PRRC2B: variants seen among roughly 807,000 people sequenced by gnomAD.
PRRC2B encodes the protein protein PRRC2B.
Under a neutral mutation model 242.3 loss-of-function variants are expected in PRRC2B, and 68 were observed. The observed-to-expected ratio is 0.28, with a 90% CI of 0.23 to 0.34. The LOEUF is 0.34. PRRC2B is among the 10% of genes least tolerant of loss of function. The probability of loss-of-function intolerance (pLI) is 1.00; values close to 1 mark genes in which losing one functional copy is unlikely to be tolerated. For missense variants in PRRC2B, 2,835 were observed against 2,954.8 expected, an observed-to-expected ratio of 0.96 and a Z score of 0.94; for synonymous variants, 1,228 against 1,173.6, an observed-to-expected ratio of 1.05 and a Z score of -0.95.
At chr9:131,470,374 AG>A (rs1943508102) in intron 13 of PRRC2B, among the ~76,000 whole-genome samples, 1 of 152,146 alleles carries the variant, frequency 6.6e-6, no homozygotes, top group Non-Finnish European at 1.5e-5. Flanking sequence ...TGGATTGAAG[AG>A]GCCTGGAGGG....
At chr9:131,477,099 G>A (rs7863121) in intron 16 of PRRC2B, among the ~76,000 whole-genome samples, 111,208 of 152,096 alleles carry the variant, frequency 0.73, 41,620 homozygotes, top group East Asian at 0.93. Context: ...ACAGCCAGAG[G>A]CATTCGGGTG....
chr9:131,475,772 G>A lies in PRRC2B; in HGVS notation c.3643G>A (p.Gly1215Arg). ...TCCCCGGCTGAGCAATTGCGGGTAT[G>A]GACGGAGAACCTTCGTCTCCAAAGA... is the stretch of plus-strand genomic sequence containing the variant. ...LPPRLSNCGY[G>R]RRTFVSKESP... The change falls in exon 16 of 32, where the codon GGA becomes AGA. Residue 1215 changes from glycine (G) to arginine (R), a missense_variant. Physicochemically the swap from Gly to Arg is moderately radical, Grantham distance 125. Around this residue, in one of 7 missense-constraint regions of PRRC2B, gnomAD observed 1,536 missense variants for 1,483.1 expected, o/e 1.04. Transcript: ENST00000683519. 1 of 1,613,614 alleles carries A rather than the reference G, an allele frequency of 6.2e-7. No homozygotes were observed. Among genetic ancestry groups the A allele is most frequent in the South Asian group, 1.1e-5 (1 of 91,038 alleles).
At position 131,476,278 on chromosome 9, in the gene PRRC2B, C is replaced by T. The variant is rs1230369963; in HGVS notation, c.4149C>T (p.Phe1383=). The change falls in exon 16 of 32, where the codon TTC becomes TTT. Residue 1383 remains phenylalanine (F), a synonymous_variant. Coordinates refer to ENST00000683519, the MANE Select transcript of PRRC2B (RefSeq NM_013318.4). ...AGACGGCCTCCGAAAGCAGCGACTT[C>T]AGCGAGCGGCGGGAGCGGCGGGAAG... ...EWETASESSD[F]SERRERREGP... 1 of 1,608,604 alleles carries T rather than the reference C, an allele frequency of 6.2e-7. No homozygotes were observed. The highest frequency in any genetic ancestry group is 1.3e-5 in the African/African-American group (1 of 74,948).
intron 9 of PRRC2B, chr9:131,448,177 C>G (rs1838866046): frequency 6.1e-6 from 1 of 163,958 alleles, no homozygotes. Flanking sequence ...AATTTTTTTC[C>G]AAGAGACAGG....
chr9:131,400,700 C>T (rs978657869), intron 1 of PRRC2B, among the ~76,000 whole-genome samples: 1 of 152,150 alleles, frequency 6.6e-6, no homozygotes, highest in South Asian at 2.1e-4. Flanking sequence ...GCATGAGCCA[C>T]GGCACCCAGC....
At chr9:131,474,341 G>A in intron 15 of PRRC2B, 113 bp from the exon 16 acceptor site, 1 of 893,820 alleles carries the variant, frequency 1.1e-6, no homozygotes, top group South Asian at 2.0e-5. Context: ...TTTTTAAAAA[G>A]TGTTTTAGTT....
At chr9:131,491,802 C>T (rs1031394413) in intron 29 of PRRC2B, among the ~76,000 whole-genome samples, 1 of 152,214 alleles carries the variant, frequency 6.6e-6, no homozygotes, top group Non-Finnish European at 1.5e-5. Context: ...TCCCCAGCTC[C>T]CCAGGAGGCC....
At chr9:131,417,651 C>T (rs942920496) in intron 1 of PRRC2B, among the ~76,000 whole-genome samples, 7 of 152,112 alleles carry the variant, frequency 4.6e-5, no homozygotes, top group East Asian at 1.9e-4. Context: ...TTGGGTTCTT[C>T]GCTGTTTTCA....
In PRRC2B at chr9:131,414,456, A is replaced by G. The variant is rs118148599; in HGVS notation, c.-51-15638A>G. On this transcript the variant is annotated intron_variant, in intron 1 of 31. Transcript: ENST00000683519. ...CTCCAAGAAAATGCAATCAATACTAATTTGTAATTTCCTGGAAATGGTAGA... is the reference window on the plus strand; with the variant it reads ...CTCCAAGAAAATGCAATCAATACTAGTTTGTAATTTCCTGGAAATGGTAGA... Among the ~76,000 whole-genome samples, 252 of 102,534 alleles carry G rather than the reference A, an allele frequency of 2.5e-3. 6 individuals carry two copies. The East Asian group carries it at 0.073, about 30-fold the overall frequency. The allele number at this position is 102,534 out of a possible 152,430, so 67.3% of individuals were successfully genotyped here. A position where few individuals can be genotyped will look rare whatever the true frequency, so the allele number is the denominator to read the frequency against.
At chr9:131,476,652 C>T (rs1009897165) in intron 16 of PRRC2B, 117 bp downstream of exon 16, 27 of 895,604 alleles carry the variant, frequency 3.0e-5, no homozygotes, top group Non-Finnish European at 3.6e-5. Context: ...TGCCCCCAGG[C>T]CGTCTGTGCG....
At position 131,436,632 on chromosome 9, in the gene PRRC2B, G is replaced by T. The variant is rs781767865; in HGVS notation, c.306G>T (p.Thr102=). 1.9e-6 allele frequency: 3 copies of T among 1,613,608 alleles called. No individual in the cohort carries two copies. Among genetic ancestry groups the T allele is most frequent in the Non-Finnish European group, 2.5e-6 (3 of 1,179,756 alleles). ...DQQDPKSSSA[T]ASQPPESLPQ... is the part of the protein sequence containing the mutation. Reference sequence around the variant, plus strand: ...TGCCTTTGTCTAGTTCCAGTGCGACGGCCTCTCAGCCGCCGGAGTCGCTGC... The same window carrying T: ...TGCCTTTGTCTAGTTCCAGTGCGACTGCCTCTCAGCCGCCGGAGTCGCTGC... The change falls in exon 4 of 32, where the codon ACG becomes ACT. Residue 102 remains threonine (T), a synonymous_variant. Coordinates refer to ENST00000683519, the MANE Select transcript of PRRC2B (RefSeq NM_013318.4).
At chr9:131,417,964 A>G (rs1000849467) in intron 1 of PRRC2B, among the ~76,000 whole-genome samples, 1 of 152,264 alleles carries the variant, frequency 6.6e-6, no homozygotes, top group African/African-American at 2.4e-5. Context: ...GGTGAGGCCC[A>G]GAGGTAAGGC....
In PRRC2B at chr9:131,464,907, G is replaced by T; in HGVS notation, c.1549G>T (p.Ala517Ser). ...GCGCCGGGAAGAAGAGGAGCGCCGA[G>T]CCCGGGAGGAGAGGCTGGCCGCCTG... ...RKRREEEERR[A>S]REERLAACAA... is the part of the protein sequence containing the mutation. The change falls in exon 12 of 32, where the codon GCC becomes TCC. Residue 517 changes from alanine to serine, a missense_variant. By Grantham distance (99) the Ala-to-Ser change is moderately conservative. Coordinates refer to ENST00000683519, the MANE Select transcript of PRRC2B (RefSeq NM_013318.4). 2 of 1,613,622 alleles carry T rather than the reference G, an allele frequency of 1.2e-6. No homozygotes were observed. The highest frequency in any genetic ancestry group is 1.1e-5 in the South Asian group (1 of 91,056).
Position 131,494,228 on chromosome 9 carries a change from T to G in PRRC2B, c.6474-177T>G, listed in dbSNP as rs1944270559. Among the ~76,000 whole-genome samples, 1 of 152,220 alleles carries G rather than the reference T, an allele frequency of 6.6e-6. No individual in the cohort carries two copies. Among genetic ancestry groups the G allele is most frequent in the Admixed American group, 6.5e-5 (1 of 15,282 alleles). On this transcript the variant is annotated intron_variant, in intron 30 of 31. Coordinates refer to ENST00000683519, the MANE Select transcript of PRRC2B (RefSeq NM_013318.4). The surrounding 1 kb of genome is among the most constrained non-coding windows in gnomAD (Gnocchi z 4.3). ...CAGCCACCCCCTCACCCTTCTGCGTTCTGGGCTGTCTTAGGTCTGTGGTTG... is the reference window on the plus strand; with the variant it reads ...CAGCCACCCCCTCACCCTTCTGCGTGCTGGGCTGTCTTAGGTCTGTGGTTG...
chr9:131,380,963 C>A (rs545603819), intron 1 of PRRC2B, among the ~76,000 whole-genome samples: 1 of 151,744 alleles, frequency 6.6e-6, no homozygotes, highest in East Asian at 1.9e-4. Context: ...ATATTTTCTC[C>A]CACTCTGTGG....
At chr9:131,374,911 C>T (rs79920481) in intron 1 of PRRC2B, among the ~76,000 whole-genome samples, 4,255 of 152,074 alleles carry the variant, frequency 0.028, 168 homozygotes, top group African/African-American at 0.095. Context: ...TTGCACCCTC[C>T]CCAGGGTACC....
chr9:131,391,645 C>T (rs531978818), upstream of PRRC2B, among the ~76,000 whole-genome samples: 3 of 152,264 alleles, frequency 2.0e-5, no homozygotes, highest in South Asian at 4.1e-4. Context: ...ATGGGTATGT[C>T]GTGAGGATTA....
chr9:131,420,498 T>TCGTTCGTTCGTTC (rs1564278664), intron 1 of PRRC2B, among the ~76,000 whole-genome samples: 1 of 90,744 alleles, frequency 1.1e-5, no homozygotes, highest in African/African-American at 4.6e-5. Context: ...TCTTTCTTTT[T>TCGTTCGTTCGTTC]TTTTTTTTTT....
At chr9:131,495,564 G>A (rs537422330) in intron 31 of PRRC2B, among the ~76,000 whole-genome samples, 176 bp from the exon 32 acceptor site, 20 of 152,094 alleles carry the variant, frequency 1.3e-4, no homozygotes, top group Middle Eastern at 3.4e-3. Flanking sequence ...GACGGCACTC[G>A]CGCCACTTTC....
Sources: gnomAD v4.1 joint callset for allele counts (sites outside exome capture counted in the v4.1 genomes callset) on GRCh38, gnomAD v4.1.1 for gene constraint, gnomAD v4.1.1 regional missense constraint, Gnocchi (gnomAD v3.1) non-coding constraint, MANE v1.5 for transcripts, NCBI Gene and HGNC (gene_info 2026-07-23, HGNC 2026-07-21) for gene names.